The following WDHD1 variants were observed in gnomAD, a reference collection of about 807,000 sequenced individuals.
WDHD1 encodes the protein WD repeat and HMG-box DNA-binding protein 1.
In WDHD1, 111 loss-of-function variants were observed where a neutral mutation model predicts 135.4. That is an observed-to-expected ratio of 0.82 (90% confidence interval 0.70 to 0.96). The LOEUF (loss-of-function observed/expected upper bound fraction) is 0.96, where lower values mean the gene tolerates loss of function less well. Ranked by LOEUF, WDHD1 falls within the 40% of genes least tolerant of loss-of-function variation. The pLI is 0.00. For missense variants in WDHD1, 1,351 were observed against 1,336.3 expected (o/e 1.01, Z -0.17); for synonymous variants, 434 against 439.0 (o/e 0.99, Z 0.14).
In WDHD1 at chr14:54,947,505, T is replaced by C. The variant is rs568066964; in HGVS notation, c.3051-3035A>G. 4.6e-5 allele frequency among the ~76,000 whole-genome samples: 7 copies of C among 152,330 alleles called. 1 individual carries two copies. In the South Asian group the frequency reaches 1.5e-3, roughly 32 times the overall value. ...ACATAAAGTCATTAAGAAAATAAGATATACTTTATTATTATTTTTCTCCCT... is the reference window on the plus strand; with the variant it reads ...ACATAAAGTCATTAAGAAAATAAGACATACTTTATTATTATTTTTCTCCCT... On this transcript the variant is annotated intron_variant, in intron 24 of 25. Coordinates refer to ENST00000360586, the MANE Select transcript of WDHD1 (RefSeq NM_007086.4).
intron 4 of WDHD1, among the ~76,000 whole-genome samples, chr14:55,010,035 T>C (rs1197068998): frequency 1.3e-5 from 2 of 151,944 alleles, no homozygotes; most frequent in Non-Finnish European, 2.9e-5. Context: ...GCCAGGCTGG[T>C]CTTGAACTCC....
At chr14:54,999,801 CCCACCA>C in intron 10 of WDHD1, among the ~76,000 whole-genome samples, 1 of 151,888 alleles carries the variant, frequency 6.6e-6, no homozygotes, top group Non-Finnish European at 1.5e-5. Flanking sequence ...GAGATGGGGT[CCCACCA>C]TGTTGCCCAG....
chr14:54,960,623 C>T (rs926423497), intron 21 of WDHD1, among the ~76,000 whole-genome samples: 1 of 151,916 alleles, frequency 6.6e-6, no homozygotes, highest in Non-Finnish European at 1.5e-5. Flanking sequence ...CCTCAGCCTC[C>T]CGAGTAGCTG....
intron 24 of WDHD1, among the ~76,000 whole-genome samples, chr14:54,953,682 T>C (rs180690586): frequency 4.0e-4 from 61 of 152,348 alleles, no homozygotes; most frequent in African/African-American, 1.3e-3. Flanking sequence ...CGTATGTTTA[T>C]TGTGGCACTA....
At chr14:55,010,277 T>C in intron 4 of WDHD1, 32 bp downstream of exon 4, 1 of 1,525,296 alleles carries the variant, frequency 6.6e-7, no homozygotes, top group South Asian at 1.3e-5. Flanking sequence ...TGTTCTAACA[T>C]TATTTCCTTT....
At chr14:54,994,228 G>A (rs1316268927) in intron 11 of WDHD1, among the ~76,000 whole-genome samples, 2 of 152,062 alleles carry the variant, frequency 1.3e-5, no homozygotes, top group African/African-American at 4.8e-5. Flanking sequence ...TACTATTCAG[G>A]TTATCTATTA....
intron 2 of WDHD1, 89 bp from the exon 3 acceptor site, chr14:55,013,685 TG>T (rs2042213087): frequency 3.1e-6 from 3 of 978,642 alleles, no homozygotes; most frequent in Admixed American, 1.8e-5. Flanking sequence ...GTGGGAGGAT[TG>T]CTTGAGGCCA....
chr14:54,985,209 C>T (rs77116074), intron 14 of WDHD1, among the ~76,000 whole-genome samples: 4,355 of 152,158 alleles, frequency 0.029, 198 homozygotes, highest in African/African-American at 0.1. Context: ...TTAAAAAACA[C>T]AAAAAGAACA....
chr14:54,961,165 C>T (rs1315167709), intron 21 of WDHD1, among the ~76,000 whole-genome samples: 1 of 151,942 alleles, frequency 6.6e-6, no homozygotes, highest in African/African-American at 2.4e-5. Context: ...TGCTTAAAAC[C>T]TACAACAGTC....
chr14:54,991,199 G>C lies in WDHD1; in HGVS notation c.1341+14C>G, dbSNP rs375674207. 5 of 1,471,180 alleles carry C rather than the reference G, an allele frequency of 3.4e-6. No individual in the cohort carries two copies. Among genetic ancestry groups the C allele is most frequent in the African/African-American group, 1.4e-5 (1 of 72,048 alleles). The allele number at this position is 1,471,180 out of a possible 1,614,324, so 91.1% of individuals were successfully genotyped here. A position where few individuals can be genotyped will look rare whatever the true frequency, so the allele number is the denominator to read the frequency against. On this transcript the variant is annotated intron_variant, in intron 12 of 25. Coordinates refer to ENST00000360586, the MANE Select transcript of WDHD1 (RefSeq NM_007086.4). ...AAAACCTACTAAGAAGTTAAGTGTA[G>C]ATCCAAGTCTTACCATGAATCTGTG...
At chr14:55,004,640 A>T (rs573192761) in intron 7 of WDHD1, among the ~76,000 whole-genome samples, 1 of 152,280 alleles carries the variant, frequency 6.6e-6, no homozygotes, top group Non-Finnish European at 1.5e-5. Context: ...TTTAGTAGAG[A>T]CAGGGTTTCG....
intron 7 of WDHD1, chr14:55,004,849 G>C (rs1456926989): frequency 2.0e-6 from 1 of 507,900 alleles, no homozygotes; most frequent in African/African-American, 1.9e-5. Flanking sequence ...TGCATTCAGT[G>C]GTCTGAGCAG....
chr14:54,944,205 G>A (rs1015057583), intron 25 of WDHD1, 127 bp downstream of exon 25: 27 of 1,195,286 alleles, frequency 2.3e-5, no homozygotes, highest in Admixed American at 8.2e-5. Context: ...CAAGTGATCC[G>A]CCTCGACCTC....
At chr14:54,944,196 A>T in intron 25 of WDHD1, 136 bp downstream of exon 25, 2 of 1,037,674 alleles carry the variant, frequency 1.9e-6, no homozygotes, top group East Asian at 5.6e-5. Context: ...TCCTGAGCTC[A>T]AGTGATCCGC....
intron 2 of WDHD1, among the ~76,000 whole-genome samples, chr14:55,021,565 G>C (rs879074162): frequency 2.0e-5 from 3 of 151,978 alleles, no homozygotes; most frequent in African/African-American, 7.2e-5. Flanking sequence ...TTATGTTTTT[G>C]GTAGAGACCG....
At position 55,010,376 on chromosome 14, in the gene WDHD1, G is replaced by T; in HGVS notation, c.274C>A (p.Arg92Ser). 1 of 1,613,486 alleles carries T rather than the reference G, an allele frequency of 6.2e-7. No individual in the cohort carries two copies. The highest frequency in any genetic ancestry group is 1.1e-5 in the South Asian group (1 of 90,956). ...PEGVPDGILT[R>S]FTTNANHVVF... ...ACATGGTTTGCATTTGTAGTGAAGC[G>T]AGTCAATATACCATCTGGAACTCCT... is the stretch of plus-strand genomic sequence containing the variant. Residue 92 changes from arginine to serine, a missense_variant, in exon 4 of 26, where the codon CGC becomes AGC. Around this residue, in one of 2 missense-constraint regions of WDHD1, gnomAD observed 1,330 missense variants for 1,296.1 expected, o/e 1.03. Transcript: ENST00000360586.
At chr14:55,021,827 GAC>G (rs1443164628) in intron 2 of WDHD1, among the ~76,000 whole-genome samples, 4 of 152,296 alleles carry the variant, frequency 2.6e-5, no homozygotes, top group South Asian at 4.1e-4. Context: ...ACAACGTCTG[GAC>G]ACAGTTTTCT....
chr14:54,964,286 T>G (rs771910147), intron 18 of WDHD1, among the ~76,000 whole-genome samples: 22 of 152,152 alleles, frequency 1.4e-4, no homozygotes, highest in Admixed American at 5.9e-4. Flanking sequence ...ATTTTTAGTA[T>G]CATTTATCTA....
chr14:55,009,034 A>AGCC (rs2042121115), intron 4 of WDHD1, among the ~76,000 whole-genome samples: 1 of 152,080 alleles, frequency 6.6e-6, no homozygotes, highest in African/African-American at 2.4e-5. Flanking sequence ...CGACCTTGTG[A>AGCC]TCCGCCCACC....
Sources: allele counts gnomAD v4.1 joint callset (sites outside exome capture counted in the v4.1 genomes callset), GRCh38; gene constraint gnomAD v4.1.1; regional missense constraint gnomAD v4.1.1; transcripts MANE v1.5; gene names NCBI Gene and HGNC (gene_info 2026-07-23, HGNC 2026-07-21).